Variants in NFIB observed in about 807,000 individuals in gnomAD.
NFIB encodes nuclear factor I B.
NFIB carries 11 observed loss-of-function variants against 61.5 expected under a neutral mutation model. That is an observed-to-expected ratio of 0.18 (90% CI 0.11 to 0.30). NFIB has a LOEUF of 0.30. Among genes scored for constraint, NFIB ranks in the 10% least tolerant of loss-of-function variants. The pLI is 1.00. For missense variants in NFIB, 471 were observed against 608.9 expected (o/e 0.77, Z 2.38); for synonymous variants, 260 against 216.5 (o/e 1.20, Z -1.76).
At chr9:14,384,252 A>G (rs2061524229) in intron 1 of NFIB, among the ~76,000 whole-genome samples, 1 of 152,154 alleles carries the variant, frequency 6.6e-6, no homozygotes, top group African/African-American at 2.4e-5. Context: ...TCCCCACCCA[A>G]GTTGTGCTCC....
the NFIB span, among the ~76,000 whole-genome samples, chr9:14,518,246 G>C: frequency 2.0e-5 from 3 of 152,180 alleles, no homozygotes; most frequent in African/African-American, 4.8e-5. Flanking sequence ...CTATGGCCAT[G>C]GCCCTGTGTT....
the NFIB span, among the ~76,000 whole-genome samples, chr9:14,523,067 G>T: frequency 7.9e-5 from 12 of 152,160 alleles, no homozygotes. Context: ...TGGTATAGAA[G>T]GGTAGTGTCT....
At chr9:14,283,842 T>C (rs1359961480) in intron 2 of NFIB, among the ~76,000 whole-genome samples, 1 of 152,112 alleles carries the variant, frequency 6.6e-6, no homozygotes, top group Non-Finnish European at 1.5e-5. Flanking sequence ...AGAAGAAACA[T>C]TTACAGTAGA....
rs2039557013 is a variant in NFIB, at chr9:14,125,713, C to T, written c.979G>A (p.Ala327Thr). ...CTTGGGGAAGAATCCTGTGGAGATG[C>T]AGAGCTGAACAATGGCTTTTCAGGC... ...KKPEKPLFSS[A>T]SPQDSSPRLS... is the part of the protein sequence containing the mutation. The change falls in exon 7 of 11, where the codon GCA becomes ACA. Residue 327 changes from alanine (A) to threonine (T), a missense_variant. Transcript: ENST00000380953. 6.2e-7 allele frequency: 1 copy of T among 1,614,102 alleles called. No individual in the cohort carries two copies. Among genetic ancestry groups the T allele is most frequent in the African/African-American group, 1.3e-5 (1 of 75,020 alleles).
chr9:14,507,358 G>C, the NFIB span, among the ~76,000 whole-genome samples: 57 of 152,140 alleles, frequency 3.7e-4, no homozygotes, highest in Non-Finnish European at 1.5e-4. Context: ...TATTATATCT[G>C]TTTCTTCACA....
chr9:14,169,420 G>T (rs1442807958), intron 3 of NFIB, among the ~76,000 whole-genome samples: 4 of 152,118 alleles, frequency 2.6e-5, no homozygotes, highest in African/African-American at 9.7e-5. Context: ...CTAAAGAGCA[G>T]AATGTAAGTC....
chr9:14,231,131 A>ATATATATATATATATAT (rs1252546393), intron 2 of NFIB, among the ~76,000 whole-genome samples: 2 of 75,462 alleles, frequency 2.7e-5, no homozygotes, highest in African/African-American at 5.7e-5. Flanking sequence ...AAAAAAAAAA[A>ATATATATATATATATAT]AAAAATATAT....
intron 10 of NFIB, among the ~76,000 whole-genome samples, chr9:14,098,650 A>G (rs1432646676): frequency 6.6e-6 from 1 of 152,220 alleles, no homozygotes; most frequent in Non-Finnish European, 1.5e-5. Context: ...TTCATCACCT[A>G]TCATCCTCCT....
chr9:14,531,877 G>A, the NFIB span: 2 of 152,128 alleles, frequency 1.3e-5, no homozygotes, highest in Non-Finnish European at 2.9e-5. Context: ...CAATAGAGGA[G>A]GAGCTCGAAA....
At chr9:14,384,439 C>A (rs1008967248) in intron 1 of NFIB, among the ~76,000 whole-genome samples, 9 of 152,202 alleles carry the variant, frequency 5.9e-5, no homozygotes, top group Non-Finnish European at 1.3e-4. Context: ...ACTTTCGAAC[C>A]TTTCCAAACC....
intron 1 of NFIB, among the ~76,000 whole-genome samples, chr9:14,341,650 A>G (rs946260974): frequency 5.3e-5 from 8 of 152,172 alleles, no homozygotes; most frequent in African/African-American, 1.9e-4. Context: ...GGGTATCTGT[A>G]GAATAGACAA....
At position 14,259,738 on chromosome 9, in the gene NFIB, T is replaced by C. The variant is rs149158579; in HGVS notation, c.562+47251A>G. 8.9e-3 allele frequency among the ~76,000 whole-genome samples: 1,344 copies of C among 151,386 alleles called. 20 individuals carry two copies. Among genetic ancestry groups the C allele is most frequent in the African/African-American group, 0.03 (1,213 of 40,834 alleles). The stretch of plus-strand genomic sequence containing the variant: ...AAACATGGTGAAATCCTGTCTCTAC[T>C]AAAAATACAAAAAAAAATTAGCCGG... On this transcript the variant is annotated intron_variant, in intron 2 of 10. Coordinates refer to ENST00000380953, the MANE Select transcript of NFIB (RefSeq NM_001190737.2).
intron 1 of NFIB, among the ~76,000 whole-genome samples, chr9:14,367,111 G>A (rs1434812866): frequency 6.6e-6 from 1 of 152,168 alleles, no homozygotes; most frequent in Non-Finnish European, 1.5e-5. Flanking sequence ...TCTACTCAGT[G>A]CAACAGTATT....
chr9:14,168,895 C>T (rs1190411291), intron 3 of NFIB, among the ~76,000 whole-genome samples: 1 of 152,146 alleles, frequency 6.6e-6, no homozygotes, highest in Admixed American at 6.5e-5. Context: ...CACAAGTACT[C>T]CCTTCTTCAC....
intron 2 of NFIB, among the ~76,000 whole-genome samples, chr9:14,248,401 G>A (rs1365858061): frequency 2.0e-5 from 3 of 151,004 alleles, no homozygotes; most frequent in Non-Finnish European, 4.4e-5. Context: ...CTCCAGAGTA[G>A]CTGGGATTAC....
At chr9:14,456,678 G>C in the NFIB span, among the ~76,000 whole-genome samples, 2 of 152,102 alleles carry the variant, frequency 1.3e-5, no homozygotes, top group Admixed American at 6.6e-5. Context: ...TCAGCTATTA[G>C]ATTGCAGAGA....
the NFIB span, among the ~76,000 whole-genome samples, chr9:14,463,728 T>A: frequency 7.4e-6 from 1 of 135,658 alleles, no homozygotes; most frequent in Non-Finnish European, 1.5e-5. Flanking sequence ...TGGCGCAATC[T>A]CGGCTCACCG....
intron 1 of NFIB, among the ~76,000 whole-genome samples, chr9:14,354,203 C>G (rs2061149509): frequency 6.6e-6 from 1 of 152,044 alleles, no homozygotes; most frequent in Non-Finnish European, 1.5e-5. Context: ...CATGAGTTCC[C>G]TAATTGTGAG....
chr9:14,272,797 A>C (rs1326978578), intron 2 of NFIB, among the ~76,000 whole-genome samples: 1 of 151,138 alleles, frequency 6.6e-6, no homozygotes, highest in Non-Finnish European at 1.5e-5. Flanking sequence ...AAATCCTTTG[A>C]GGTTTAATAT....
Sources: gnomAD v4.1 joint callset for allele counts (sites outside exome capture counted in the v4.1 genomes callset) on GRCh38, gnomAD v4.1.1 for gene constraint, MANE v1.5 for transcripts, NCBI Gene and HGNC (gene_info 2026-07-23, HGNC 2026-07-21) for gene names.